The following CNIH3 variants were observed in gnomAD, a reference collection of about 807,000 sequenced individuals.
The protein encoded by CNIH3 is protein cornichon homolog 3.
CNIH3 carries 14 observed loss-of-function variants against 24.1 expected under a neutral mutation model. The observed-to-expected ratio is 0.58, with a 90% CI of 0.38 to 0.91. The LOEUF (loss-of-function observed/expected upper bound fraction) is 0.91, where lower values mean the gene tolerates loss of function less well. Among genes scored for constraint, CNIH3 ranks in the 40% least tolerant of loss-of-function variants. The pLI, the probability that CNIH3 is intolerant of heterozygous loss-of-function variation, is 0.00. For synonymous variants in CNIH3, 68 were observed against 73.8 expected (o/e 0.92, Z 0.40); for missense variants, 178 against 196.8 (o/e 0.90, Z 0.57).
chr1:224,736,169 A>C (rs1452509366), intron 5 of CNIH3, among the ~76,000 whole-genome samples: 1 of 152,134 alleles, frequency 6.6e-6, no homozygotes, highest in Non-Finnish European at 1.5e-5. Flanking sequence ...TCTGTCTCCC[A>C]GGCTAGACTA....
intron 1 of CNIH3, among the ~76,000 whole-genome samples, chr1:224,439,819 C>T (rs1039857255): frequency 6.6e-6 from 1 of 150,848 alleles, no homozygotes; most frequent in Non-Finnish European, 1.5e-5. Context: ...GATGGGGTCT[C>T]GCTCTGTCGC....
At chr1:224,533,260 A>T (rs1679149511) in intron 2 of CNIH3, among the ~76,000 whole-genome samples, 1 of 150,572 alleles carries the variant, frequency 6.6e-6, no homozygotes, top group African/African-American at 2.5e-5. Context: ...AAAAAAAATA[A>T]AATAAAATTG....
chr1:224,542,107 G>A (rs1679532692), downstream of CNIH3, among the ~76,000 whole-genome samples: 1 of 152,202 alleles, frequency 6.6e-6, no homozygotes, highest in Non-Finnish European at 1.5e-5. Context: ...CCTATCAGAT[G>A]CCTCTGCTCT....
chr1:224,647,235 G>A (rs1433225411), intron 1 of CNIH3, among the ~76,000 whole-genome samples: 6 of 152,182 alleles, frequency 3.9e-5, no homozygotes, highest in Admixed American at 2.0e-4. Flanking sequence ...CGCTTGCTTC[G>A]GCATCCCAAA....
chr1:224,733,278 A>G (rs745890308), intron 4 of CNIH3, among the ~76,000 whole-genome samples: 22 of 152,346 alleles, frequency 1.4e-4, no homozygotes, highest in East Asian at 5.8e-4. Context: ...AGGAAAGTCA[A>G]TGTGGTGACT....
intron 1 of CNIH3, among the ~76,000 whole-genome samples, chr1:224,464,903 T>C (rs184149460): frequency 7.9e-5 from 12 of 152,026 alleles, no homozygotes; most frequent in Non-Finnish European, 1.6e-4. Flanking sequence ...TCAAGTGATA[T>C]TCTCACCTCA....
At chr1:224,549,107 C>A (rs1679816245) in intron 3 of CNIH3, among the ~76,000 whole-genome samples, 1 of 151,996 alleles carries the variant, frequency 6.6e-6, no homozygotes. Context: ...TTACAAATAT[C>A]AGAGCGATGA....
intron 1 of CNIH3, among the ~76,000 whole-genome samples, chr1:224,680,006 A>C (rs1473223768): frequency 6.6e-6 from 1 of 151,798 alleles, no homozygotes; most frequent in African/African-American, 2.4e-5. Context: ...ACGGGATTTC[A>C]CCATGTTGGC....
At chr1:224,570,858 C>T (rs2088619) in intron 4 of CNIH3, among the ~76,000 whole-genome samples, 58,800 of 151,512 alleles carry the variant, frequency 0.39, 11,857 homozygotes, top group East Asian at 0.59. Context: ...CTATGTGAAA[C>T]TGATGTTTGT....
At chr1:224,651,074 C>G (rs1274594693) in intron 1 of CNIH3, among the ~76,000 whole-genome samples, 2 of 152,118 alleles carry the variant, frequency 1.3e-5, no homozygotes, top group African/African-American at 4.8e-5. Context: ...GACACACACA[C>G]ACACACGCAC....
At chr1:224,685,343 G>A (rs1359401499) in intron 3 of CNIH3, among the ~76,000 whole-genome samples, 2 of 152,176 alleles carry the variant, frequency 1.3e-5, no homozygotes, top group Admixed American at 6.5e-5. Context: ...GCAGAGTCAC[G>A]TCATTCAGAG....
rs182359863 is a variant in CNIH3, at chr1:224,476,088, A to G, written n.204-39653A>G. On this transcript the variant is annotated intron_variant and non_coding_transcript_variant, in intron 1 of 5. Transcript: ENST00000471578. ...CTCCAAAAAAGTGGGTATTAAAGGA[A>G]CATACCTCAATACAATAAAAGCCAT... 5.3e-5 allele frequency among the ~76,000 whole-genome samples: 8 copies of G among 152,332 alleles called. No individual in the cohort carries two copies. The East Asian group carries it at 1.5e-3, about 29-fold the overall frequency.
chr1:224,700,271 C>T (rs1424873490), intron 3 of CNIH3, among the ~76,000 whole-genome samples: 1 of 152,186 alleles, frequency 6.6e-6, no homozygotes, highest in African/African-American at 2.4e-5. Context: ...TAATAGGGCC[C>T]ACCCTAATGA....
At chr1:224,658,750 AG>A (rs1158587069) in intron 1 of CNIH3, among the ~76,000 whole-genome samples, 1 of 151,912 alleles carries the variant, frequency 6.6e-6, no homozygotes, top group Non-Finnish European at 1.5e-5. Context: ...CTAACTCAAA[AG>A]GTAAACAGAA....
At chr1:224,674,795 T>C (rs78468485) in intron 1 of CNIH3, among the ~76,000 whole-genome samples, 6,376 of 150,760 alleles carry the variant, frequency 0.042, 212 homozygotes, top group East Asian at 0.15. Flanking sequence ...TCTGGCTCTG[T>C]CTCTCCTGAA....
intron 1 of CNIH3, among the ~76,000 whole-genome samples, chr1:224,623,110 T>C (rs1296470870): frequency 6.6e-6 from 1 of 152,142 alleles, no homozygotes; most frequent in African/African-American, 2.4e-5. Flanking sequence ...CTTCCATCTT[T>C]GTGGTCCCTG....
intron 3 of CNIH3, among the ~76,000 whole-genome samples, chr1:224,597,029 G>C (rs1000629381): frequency 6.6e-6 from 1 of 152,120 alleles, no homozygotes; most frequent in Admixed American, 6.5e-5. Context: ...GTGCATGCCT[G>C]TAATCCCAGC....
chr1:224,506,377 G>A (rs1225886157), intron 1 of CNIH3, among the ~76,000 whole-genome samples: 2 of 152,178 alleles, frequency 1.3e-5, no homozygotes, highest in African/African-American at 4.8e-5. Context: ...AGCACATTCC[G>A]TTTTTACTGT....
chr1:224,738,687 G>A lies in CNIH3; in HGVS notation c.456-642G>A, dbSNP rs114903439. Among the ~76,000 whole-genome samples, 504 of 152,204 alleles carry A rather than the reference G, an allele frequency of 3.3e-3. 3 individuals carry two copies. The highest frequency in any genetic ancestry group is 0.012 in the African/African-American group (492 of 41,494). ...AATTACCCTGAAGCCCTTACTAAGC[G>A]CACAGGGATACATGTCCCCTTCACC... is the stretch of plus-strand genomic sequence containing the variant. On this transcript the variant is annotated intron_variant, in intron 5 of 5. Transcript: ENST00000272133.
Sources: allele counts gnomAD v4.1 joint callset (sites outside exome capture counted in the v4.1 genomes callset), GRCh38; gene constraint gnomAD v4.1.1; transcripts MANE v1.5; gene names NCBI Gene and HGNC (gene_info 2026-07-23, HGNC 2026-07-21).